Variants in HMCN2 observed in about 807,000 individuals in gnomAD.
HMCN2 encodes hemicentin-2.
Under a neutral mutation model 377.5 loss-of-function variants are expected in HMCN2, and 325 were observed. That is an observed-to-expected ratio of 0.86 (90% CI 0.79 to 0.94). The LOEUF (loss-of-function observed/expected upper bound fraction) is 0.94. Among genes scored for constraint, HMCN2 ranks in the 40% least tolerant of loss-of-function variants. HMCN2 has a pLI of 0.00. For synonymous variants in HMCN2, 2,007 were observed against 2,046.8 expected (o/e 0.98, Z 0.53); for missense variants, 4,543 against 4,725.3 (o/e 0.96, Z 1.13).
At chr9:130,371,228 C>T in intron 46 of HMCN2, 97 bp downstream of exon 46, 1 of 692,466 alleles carries the variant, frequency 1.4e-6, no homozygotes, top group Non-Finnish European at 1.8e-6. Context: ...CTCTGAGCTG[C>T]CAGGCCTGGT....
Position 130,391,345 on chromosome 9 carries a change from A to T in HMCN2, c.9809A>T (p.Asp3270Val). ...WLKDGSPLGQ[D>V]MGPHLRFYLD... ...AAGGACGGCAGCCCGCTGGGCCAGGACATGGGCCCCCACCTCCGGTAAGAC... is the reference window on the plus strand; with the variant it reads ...AAGGACGGCAGCCCGCTGGGCCAGGTCATGGGCCCCCACCTCCGGTAAGAC... The change falls in exon 64 of 98, where the codon GAC (aspartate) becomes GTC (valine). Residue 3270 changes from aspartate (D) to valine (V), a missense_variant. Transcript: ENST00000683500. 1 of 987,674 alleles carries T rather than the reference A, an allele frequency of 1.0e-6. No individual in the cohort carries two copies. The highest frequency in any genetic ancestry group is 1.2e-6 in the Non-Finnish European group (1 of 830,146). The allele number at this position is 987,674 out of a possible 1,614,324, so 61.2% of individuals were successfully genotyped here.
At chr9:130,356,065 G>GCC (rs58522320) in intron 33 of HMCN2, 23 bp from the exon 34 acceptor site, 4 of 1,239,856 alleles carry the variant, frequency 3.2e-6, no homozygotes, top group South Asian at 1.4e-5. Context: ...AGGTTGACAC[G>GCC]CCCCCCTCCC....
At chr9:130,348,341 C>T (rs894869031) in intron 26 of HMCN2, 2 of 663,884 alleles carry the variant, frequency 3.0e-6, no homozygotes, top group South Asian at 1.4e-4. Context: ...TGGGCCTGGG[C>T]ACGACTGGGG....
rs771847162 is a variant in HMCN2, at chr9:130,396,173, G to A, written c.11058G>A (p.Val3686=). 7.9e-6 allele frequency: 10 copies of A among 1,268,168 alleles called. No homozygotes were observed. The South Asian group carries it at 1.0e-4, about 13-fold the overall frequency. 78.6% of individuals were successfully genotyped at this position (1,268,168 alleles called of 1,614,324 possible). A position where few individuals can be genotyped will look rare whatever the true frequency, so the allele number is the denominator to read the frequency against. ...TCCCTCTGTGCCCCTCCCCAGCGGT[G>A]CCCACCATCCGGTCAGGACCACCTG... ...SVAFRVEIHT[V]PTIRSGPPAV... The change falls in exon 73 of 98, where the codon GTG becomes GTA. Residue 3686 remains valine, a synonymous_variant. Coordinates refer to ENST00000683500, the MANE Select transcript of HMCN2 (RefSeq NM_001291815.2).
At position 130,385,634 on chromosome 9, in the gene HMCN2, C is replaced by T. The variant is rs755548851; in HGVS notation, c.9181C>T (p.Leu3061=). 1.5e-6 allele frequency: 2 copies of T among 1,304,208 alleles called. No homozygotes were observed. The highest frequency in any genetic ancestry group is 2.5e-5 in the South Asian group (2 of 81,026). 80.8% of individuals were successfully genotyped at this position (1,304,208 alleles called of 1,614,324 possible). A position where few individuals can be genotyped will look rare whatever the true frequency, so the allele number is the denominator to read the frequency against. ...VLVRVGDKAV[L]SCETDALPEP... is the part of the protein sequence containing the mutation. Reference sequence around the variant, plus strand: ...GGTGAGGGTCGGGGACAAAGCTGTCCTGAGCTGCGAGACAGATGCGCTCCC... The same window carrying T: ...GGTGAGGGTCGGGGACAAAGCTGTCTTGAGCTGCGAGACAGATGCGCTCCC... The change falls in exon 60 of 98, where the codon CTG becomes TTG. Residue 3061 remains leucine, a synonymous_variant. Transcript: ENST00000683500.
chr9:130,344,741 T>G (rs1365588672), intron 25 of HMCN2, among the ~76,000 whole-genome samples: 1 of 148,192 alleles, frequency 6.7e-6, no homozygotes, highest in African/African-American at 2.5e-5. Context: ...GAATGTGTGG[T>G]GTGTGTGTGT....
intron 96 of HMCN2, 59 bp downstream of exon 96, chr9:130,431,545 A>T: frequency 1.3e-6 from 2 of 1,527,794 alleles, no homozygotes; most frequent in Non-Finnish European, 1.8e-6. Context: ...GCAGCGTGGG[A>T]TGGGACATGT....
chr9:130,323,690 CTT>C (rs1171558401), intron 19 of HMCN2, among the ~76,000 whole-genome samples: 1 of 145,326 alleles, frequency 6.9e-6, no homozygotes, highest in Non-Finnish European at 1.5e-5. Context: ...CCATTGAAAG[CTT>C]TTTTTTTTTT....
chr9:130,267,949 A>T (rs1440041062), intron 1 of HMCN2, among the ~76,000 whole-genome samples: 1 of 152,192 alleles, frequency 6.6e-6, no homozygotes, highest in Non-Finnish European at 1.5e-5. Flanking sequence ...AAGACATCAC[A>T]CTGAAGGAGC....
chr9:130,307,861 T>A lies in HMCN2; in HGVS notation c.2200+295T>A, dbSNP rs547230870. On this transcript the variant is annotated intron_variant, in intron 14 of 97. Transcript: ENST00000683500. ...GTGACTTGGCATCTCTGAGCCTCAGTTTCCTTATCTGGAAAATCAAAGATA... is the reference window on the plus strand; with the variant it reads ...GTGACTTGGCATCTCTGAGCCTCAGATTCCTTATCTGGAAAATCAAAGATA... 3.3e-5 allele frequency among the ~76,000 whole-genome samples: 5 copies of A among 152,308 alleles called. No homozygotes were observed. In the East Asian group the frequency reaches 9.6e-4, roughly 29 times the overall value.
At chr9:130,306,502 C>G (rs1462542410) in intron 12 of HMCN2, among the ~76,000 whole-genome samples, 1 of 151,692 alleles carries the variant, frequency 6.6e-6, no homozygotes, top group Non-Finnish European at 1.5e-5. Flanking sequence ...CCAAATCCCG[C>G]CCCCACCATT....
chr9:130,323,474 G>C (rs1229537127), intron 19 of HMCN2, among the ~76,000 whole-genome samples: 1 of 152,224 alleles, frequency 6.6e-6, no homozygotes, highest in South Asian at 2.1e-4. Context: ...CATTCCAGAA[G>C]GGACGACCAG....
At chr9:130,291,022 C>A (rs1394233130) in intron 4 of HMCN2, among the ~76,000 whole-genome samples, 1 of 152,108 alleles carries the variant, frequency 6.6e-6, no homozygotes, top group Non-Finnish European at 1.5e-5. Context: ...CTTTTAAAAC[C>A]CATATTCATG....
chr9:130,357,765 G>T (rs569857058), intron 34 of HMCN2, 69 bp from the exon 35 acceptor site: 16 of 1,190,100 alleles, frequency 1.3e-5, no homozygotes, highest in Non-Finnish European at 1.7e-5. Context: ...GCATCGAGGG[G>T]GTTGCTGGGT....
intron 87 of HMCN2, among the ~76,000 whole-genome samples, chr9:130,424,171 T>TA (rs1844185535): frequency 7.3e-5 from 9 of 122,852 alleles, no homozygotes; most frequent in East Asian, 4.2e-4. Context: ...ATATATATAT[T>TA]TTTTTTTTTT....
chr9:130,309,865 C>A, intron 14 of HMCN2, 47 bp from the exon 15 acceptor site: 1 of 396,302 alleles, frequency 2.5e-6, no homozygotes, highest in Non-Finnish European at 5.4e-6. Flanking sequence ...CCCTGGCCTC[C>A]ATGGTACCAG....
chr9:130,378,230 C>G (rs868211286), intron 53 of HMCN2, among the ~76,000 whole-genome samples: 3 of 150,310 alleles, frequency 2.0e-5, no homozygotes, highest in African/African-American at 7.4e-5. Flanking sequence ...CAGTGTTTGA[C>G]GTTTTCCTTT....
At chr9:130,294,456 C>A (rs1376352256) in intron 4 of HMCN2, among the ~76,000 whole-genome samples, 2 of 152,146 alleles carry the variant, frequency 1.3e-5, no homozygotes, top group Non-Finnish European at 2.9e-5. Context: ...CAGTTGGAGG[C>A]CCCTGGGATA....
chr9:130,370,237 A>G (rs1307839346), intron 45 of HMCN2, among the ~76,000 whole-genome samples: 2 of 152,080 alleles, frequency 1.3e-5, no homozygotes, highest in African/African-American at 2.4e-5. Context: ...GGTCAGGGCA[A>G]CCTCCCAGAG....
Sources: allele counts gnomAD v4.1 joint callset (sites outside exome capture counted in the v4.1 genomes callset), GRCh38; gene constraint gnomAD v4.1.1; transcripts MANE v1.5; gene names NCBI Gene and HGNC (gene_info 2026-07-23, HGNC 2026-07-21).